The following PDE10A variants were observed in gnomAD, a reference collection of about 807,000 sequenced individuals.
PDE10A encodes cAMP and cAMP-inhibited cGMP 3',5'-cyclic phosphodiesterase 10A.
In PDE10A, 39 loss-of-function variants were observed where a neutral mutation model predicts 97.7. The observed-to-expected ratio is 0.40, with a 90% CI of 0.31 to 0.52. PDE10A has a LOEUF of 0.52. PDE10A is among the 20% of genes least tolerant of loss of function. PDE10A has a pLI of 0.56. For missense variants in PDE10A, 731 were observed against 1,047.8 expected (o/e 0.70, Z 4.17); for synonymous variants, 371 against 376.8 (o/e 0.98, Z 0.18).
At chr6:165,431,296 A>T (rs1292113406) in intron 8 of PDE10A, 126 bp downstream of exon 8, 2 of 530,432 alleles carry the variant, frequency 3.8e-6, no homozygotes, top group Non-Finnish European at 6.9e-6. Context: ...TCTAGAAATA[A>T]CAGAAAATTG....
chr6:165,670,311 A>C (rs1371080300), intron 1 of PDE10A, among the ~76,000 whole-genome samples: 3 of 152,226 alleles, frequency 2.0e-5, no homozygotes. Context: ...TCTTAACACG[A>C]GTCACAAAGA....
At chr6:165,659,710 A>T (rs1412606456) in intron 1 of PDE10A, among the ~76,000 whole-genome samples, 1 of 152,234 alleles carries the variant, frequency 6.6e-6, no homozygotes, top group Non-Finnish European at 1.5e-5. Context: ...AAGTTCCCTG[A>T]TGAGTCTGGT....
intron 1 of PDE10A, among the ~76,000 whole-genome samples, chr6:165,822,725 C>T (rs973467764): frequency 2.6e-5 from 4 of 152,140 alleles, no homozygotes; most frequent in African/African-American, 9.7e-5. Flanking sequence ...TCGGACATGG[C>T]GTGCACTACT....
At chr6:165,753,887 T>G (rs1230199449) in intron 1 of PDE10A, among the ~76,000 whole-genome samples, 6 of 152,374 alleles carry the variant, frequency 3.9e-5, no homozygotes, top group African/African-American at 1.4e-4. Flanking sequence ...CTTCATTTTC[T>G]TAAATTAGTA....
Position 165,332,716 on chromosome 6 carries a change from T to C in PDE10A, c.*309A>G, listed in dbSNP as rs920446052. Reference sequence around the variant, plus strand: ...ACCCCTTCTGGATAATTTTTGTCCATTTCCTTTAAGGCCTCAGCAATATTA... The same window carrying C: ...ACCCCTTCTGGATAATTTTTGTCCACTTCCTTTAAGGCCTCAGCAATATTA... On this transcript the variant is annotated 3_prime_UTR_variant, in exon 22 of 22. Transcript: ENST00000539869. The C allele has an allele frequency of 3.2e-6, 1 of 314,596 alleles. No individual in the cohort carries two copies. The highest frequency in any genetic ancestry group is 5.8e-6 in the Non-Finnish European group (1 of 171,488). The allele number at this position is 314,596 out of a possible 1,614,324, so 19.5% of individuals were successfully genotyped here. A position where few individuals can be genotyped will look rare whatever the true frequency, so the allele number is the denominator to read the frequency against.
rs879175879 is a variant in PDE10A, at chr6:165,662,348, C to CCCG, written c.461_463dup (p.Ala154dup). 498 of 161,808 alleles carry CCCG rather than the reference C, an allele frequency of 3.1e-3. 6 individuals are homozygous for CCCG. In the East Asian group the frequency reaches 0.042, roughly 14 times the overall value. The allele number at this position is 161,808 out of a possible 1,614,324, so 10.0% of individuals were successfully genotyped here. A position where few individuals can be genotyped will look rare whatever the true frequency, so the allele number is the denominator to read the frequency against. On this transcript the variant is annotated inframe_insertion, in exon 1 of 22. Coordinates refer to ENST00000539869, the MANE Select transcript of PDE10A (RefSeq NM_001385079.1). ...TCCTCCGCCAGCATCGCCGCCTCCT[C>CCCG]CCGCCGCCGCCGCCGCCGCTGCGCC... is the stretch of plus-strand genomic sequence containing the variant.
chr6:165,851,425 TGG>T (rs1780569510), intron 1 of PDE10A, among the ~76,000 whole-genome samples: 1 of 152,252 alleles, frequency 6.6e-6, no homozygotes, highest in Non-Finnish European at 1.5e-5. Context: ...ATTTTACAAC[TGG>T]GCATCCATCC....
rs776973245 is a variant in PDE10A at position 165,388,415 on chromosome 6, C to T, written c.2493G>A (p.Leu831=). 20 of 1,613,978 alleles carry T rather than the reference C, an allele frequency of 1.2e-5. No homozygotes were observed. In the East Asian group the frequency reaches 4.5e-4, roughly 36 times the overall value. The change falls in exon 17 of 22, where the codon CTG becomes CTA. Residue 831 remains leucine, a synonymous_variant. Coordinates refer to ENST00000539869, the MANE Select transcript of PDE10A (RefSeq NM_001385079.1). The surrounding 1 kb of genome is among the most constrained non-coding windows in gnomAD (Gnocchi z 4.0). The stretch of plus-strand genomic sequence containing the variant: ...AGCTGTTACTGAAGCCCCTGTGGTC[C>T]AGGTCATGACACAGACACGCAATCA... ...GLLIACLCHD[L]DHRGFSNSYL...
rs758599861 is a variant in PDE10A at position 165,448,966 on chromosome 6, C to T, written c.1156G>A (p.Asp386Asn). The stretch of plus-strand genomic sequence containing the variant: ...CCAAGGAAATACAGTGCAAATCCAT[C>T]GGCTTTTGTGGCTGCCAAAGTAATA... ...SSIIKIATKA[D>N]GFALYFLGEC... Residue 386 changes from aspartate to asparagine, a missense_variant, in exon 5 of 22, where the codon GAT becomes AAT. Transcript: ENST00000539869. 2 of 1,612,584 alleles carry T rather than the reference C, an allele frequency of 1.2e-6. No individual in the cohort carries two copies. Among genetic ancestry groups the T allele is most frequent in the African/African-American group, 1.3e-5 (1 of 74,856 alleles).
chr6:165,518,844 TGAGAAAGGCATTAA>T (rs1781973129), intron 2 of PDE10A, among the ~76,000 whole-genome samples: 1 of 152,144 alleles, frequency 6.6e-6, no homozygotes, highest in South Asian at 2.1e-4. Context: ...TTCTCTAAGA[TGAGAAAGGCATTAA>T]CATGTAAGGG....
intron 1 of PDE10A, among the ~76,000 whole-genome samples, chr6:165,950,884 A>G (rs1029744077): frequency 4.6e-5 from 7 of 152,256 alleles, no homozygotes; most frequent in Non-Finnish European, 8.8e-5. Context: ...AAACTGGGGT[A>G]CACGTTGGGA....
At chr6:165,552,733 A>G (rs1784078144) in intron 1 of PDE10A, among the ~76,000 whole-genome samples, 1 of 152,170 alleles carries the variant, frequency 6.6e-6, no homozygotes, top group African/African-American at 2.4e-5. Context: ...CATCAAGCAT[A>G]GCCTTGAGTA....
At chr6:165,617,107 T>C (rs1006082217) in intron 1 of PDE10A, among the ~76,000 whole-genome samples, 1 of 152,202 alleles carries the variant, frequency 6.6e-6, no homozygotes, top group Admixed American at 6.5e-5. Context: ...TGTAGTTACC[T>C]TTAACATCCT....
chr6:165,499,476 C>T (rs778885802), intron 2 of PDE10A, among the ~76,000 whole-genome samples: 2 of 152,200 alleles, frequency 1.3e-5, no homozygotes, highest in South Asian at 2.1e-4. Context: ...TTCAGCAATG[C>T]GGCTCTTGTT....
intron 1 of PDE10A, among the ~76,000 whole-genome samples, chr6:165,560,891 G>A (rs1438604311): frequency 1.3e-5 from 2 of 152,070 alleles, no homozygotes; most frequent in African/African-American, 2.4e-5. Flanking sequence ...GTGCTGTCTC[G>A]TGATAGAGTT....
At chr6:165,718,155 T>C (rs1792074451) in intron 1 of PDE10A, 1 of 152,188 alleles carries the variant, frequency 6.6e-6, no homozygotes, top group African/African-American at 2.4e-5. Context: ...TCATATCAAA[T>C]TCCCAAATTC....
At chr6:165,857,429 T>C (rs999017144) in intron 1 of PDE10A, among the ~76,000 whole-genome samples, 9 of 152,222 alleles carry the variant, frequency 5.9e-5, no homozygotes, top group African/African-American at 1.9e-4. Context: ...ATACCTCTTA[T>C]AAGGTCTTGC....
intron 1 of PDE10A, among the ~76,000 whole-genome samples, chr6:165,668,346 A>G (rs1275529542): frequency 1.3e-5 from 2 of 152,188 alleles, no homozygotes; most frequent in African/African-American, 4.8e-5. Context: ...AGGGCTGCCA[A>G]AATTGCCACT....
At chr6:165,757,306 C>T (rs912097886) in intron 1 of PDE10A, among the ~76,000 whole-genome samples, 1 of 151,954 alleles carries the variant, frequency 6.6e-6, no homozygotes, top group African/African-American at 2.4e-5. Context: ...AGGTGTGGTA[C>T]GAGCTGCAAT....
Sources: gnomAD v4.1 joint callset for allele counts (sites outside exome capture counted in the v4.1 genomes callset) on GRCh38, gnomAD v4.1.1 for gene constraint, Gnocchi (gnomAD v3.1) non-coding constraint, MANE v1.5 for transcripts, NCBI Gene and HGNC (gene_info 2026-07-23, HGNC 2026-07-21) for gene names.